Variants in KCNJ6 observed in about 807,000 individuals in gnomAD.
KCNJ6 encodes the protein potassium inwardly rectifying channel subfamily J member 6.
KCNJ6 carries 9 observed loss-of-function variants against 34.2 expected under a neutral mutation model. The observed-to-expected ratio is 0.26, with a 90% CI of 0.16 to 0.46. The LOEUF is 0.46. Ranked by LOEUF, KCNJ6 falls within the 20% of genes least tolerant of loss-of-function variation. KCNJ6 has a pLI of 1.00. For missense variants in KCNJ6, 236 were observed against 531.3 expected, an observed-to-expected ratio of 0.44 and a Z score of 5.46; for synonymous variants, 196 against 207.1, an observed-to-expected ratio of 0.95 and a Z score of 0.46.
At chr21:37,865,008 A>G (rs920875406) in intron 1 of KCNJ6, among the ~76,000 whole-genome samples, 11 of 152,010 alleles carry the variant, frequency 7.2e-5, no homozygotes, top group African/African-American at 2.7e-4. Context: ...CCTGGCCCAG[A>G]AAAAGATGTT....
chr21:37,796,265 T>G lies in KCNJ6; in HGVS notation c.25+44393A>C, dbSNP rs182172525. On this transcript the variant is annotated intron_variant, in intron 2 of 3. Transcript: ENST00000609713. ...TCAGCTGGATCAACAGCCTTCGCTC[T>G]GCCTGTTCTTAGGAGCTTGGTGTGT... Among the ~76,000 whole-genome samples the G allele has an allele frequency of 3.5e-4, 53 of 152,336 alleles. No individual in the cohort carries two copies. The East Asian group carries it at 9.7e-3, about 28-fold the overall frequency.
intron 2 of KCNJ6, among the ~76,000 whole-genome samples, chr21:37,767,290 C>T (rs533900044): frequency 2.6e-5 from 4 of 152,302 alleles, no homozygotes; most frequent in Non-Finnish European, 5.9e-5. Context: ...TTAAGCATGT[C>T]GTCATTTGTG....
At chr21:37,881,117 G>C (rs970729953) in intron 1 of KCNJ6, among the ~76,000 whole-genome samples, 2 of 152,086 alleles carry the variant, frequency 1.3e-5, no homozygotes, top group African/African-American at 4.8e-5. Flanking sequence ...TTTTTTTCAG[G>C]GGTTCACTAA....
intron 2 of KCNJ6, among the ~76,000 whole-genome samples, chr21:37,743,120 A>G (rs1197341683): frequency 6.6e-6 from 1 of 152,128 alleles, no homozygotes; most frequent in African/African-American, 2.4e-5. Flanking sequence ...CACTTAGCCC[A>G]CAGGATGACA....
intron 3 of KCNJ6, among the ~76,000 whole-genome samples, chr21:37,672,864 G>A (rs1235452841): frequency 5.3e-5 from 8 of 151,940 alleles, no homozygotes; most frequent in Admixed American, 5.2e-4. Context: ...CTGCAGCCTC[G>A]AACTCCTGGG....
intron 3 of KCNJ6, among the ~76,000 whole-genome samples, chr21:37,687,427 C>A (rs1229723646): frequency 6.6e-6 from 1 of 152,202 alleles, no homozygotes; most frequent in East Asian, 1.9e-4. Context: ...GCTTTTTCTT[C>A]ATGTCTCCGT....
chr21:37,761,838 G>A (rs3787829), intron 2 of KCNJ6, among the ~76,000 whole-genome samples: 75,427 of 151,920 alleles, frequency 0.5, 18,873 homozygotes, highest in Non-Finnish European at 0.53. Context: ...GTCTCTGTGC[G>A]TGTCTGTGTG....
chr21:37,914,330 G>A (rs2055882945), intron 1 of KCNJ6, among the ~76,000 whole-genome samples: 1 of 152,176 alleles, frequency 6.6e-6, no homozygotes, highest in African/African-American at 2.4e-5. Flanking sequence ...GGGGGCTGCA[G>A]ACAGGTGAGG....
At position 37,623,669 on chromosome 21, in the gene KCNJ6, A is replaced by G. The variant is rs1049808671; in HGVS notation, c.*1490T>C. 6.6e-6 allele frequency: 1 copy of G among 152,070 alleles called. No individual in the cohort carries two copies. The highest frequency in any genetic ancestry group is 2.4e-5 in the African/African-American group (1 of 41,384). 9.4% of individuals were successfully genotyped at this position (152,070 alleles called of 1,614,324 possible). A position where few individuals can be genotyped will look rare whatever the true frequency, so the allele number is the denominator to read the frequency against. ...TCCTTTTTGCAGATTAAAGTGAATT[A>G]AGGCTGGAATTTTTTTATTTGTTTT... On this transcript the variant is annotated 3_prime_UTR_variant, in exon 4 of 4. Transcript: ENST00000609713.
chr21:37,800,536 T>C (rs974374183), intron 2 of KCNJ6, among the ~76,000 whole-genome samples: 1 of 152,240 alleles, frequency 6.6e-6, no homozygotes, highest in Non-Finnish European at 1.5e-5. Flanking sequence ...CTGGGTGATT[T>C]TTCTGGCAAA....
At chr21:37,782,696 AC>A (rs147470202) in intron 2 of KCNJ6, among the ~76,000 whole-genome samples, 50 of 152,310 alleles carry the variant, frequency 3.3e-4, no homozygotes, top group African/African-American at 1.2e-3. Flanking sequence ...AAGAGGGTGG[AC>A]AAGTCAGGCT....
chr21:37,835,804 CACCCTA>C (rs11276074), intron 2 of KCNJ6, among the ~76,000 whole-genome samples: 49,817 of 151,390 alleles, frequency 0.33, 9,330 homozygotes, highest in South Asian at 0.45. Context: ...AGCTGAGAGT[CACCCTA>C]ACCCTAACCC....
chr21:37,829,320 T>A (rs2055414015), intron 2 of KCNJ6, among the ~76,000 whole-genome samples: 2 of 152,262 alleles, frequency 1.3e-5, no homozygotes, highest in South Asian at 4.1e-4. Context: ...CAAGAGAGTT[T>A]AAAAATGTGT....
chr21:37,781,021 A>G (rs1183923217), intron 2 of KCNJ6, among the ~76,000 whole-genome samples: 1 of 152,228 alleles, frequency 6.6e-6, no homozygotes, highest in Non-Finnish European at 1.5e-5. Context: ...CGTTAGGGGA[A>G]TGGAAAAGAC....
chr21:37,815,868 G>A (rs773422298), intron 2 of KCNJ6, among the ~76,000 whole-genome samples: 5 of 152,142 alleles, frequency 3.3e-5, no homozygotes, highest in East Asian at 1.9e-4. Flanking sequence ...GGTGTTCACC[G>A]AGGCCAGATG....
At chr21:37,903,311 C>T (rs1048633326) in intron 1 of KCNJ6, among the ~76,000 whole-genome samples, 5 of 152,124 alleles carry the variant, frequency 3.3e-5, no homozygotes, top group African/African-American at 1.2e-4. Flanking sequence ...AAGAGGCATT[C>T]CCCCGCACAA....
intron 2 of KCNJ6, among the ~76,000 whole-genome samples, chr21:37,780,780 A>G (rs953318157): frequency 2.0e-5 from 3 of 152,224 alleles, no homozygotes; most frequent in Admixed American, 1.3e-4. Context: ...TGGATACCCT[A>G]TTTTGCATGA....
chr21:37,912,605 G>A (rs551465105), intron 1 of KCNJ6, among the ~76,000 whole-genome samples: 6 of 152,152 alleles, frequency 3.9e-5, no homozygotes, highest in South Asian at 2.1e-4. Flanking sequence ...AATACTCCAC[G>A]TGTCACTTCT....
intron 1 of KCNJ6, among the ~76,000 whole-genome samples, chr21:37,857,355 A>C (rs2055570395): frequency 1.3e-5 from 2 of 152,210 alleles, no homozygotes; most frequent in African/African-American, 4.8e-5. Flanking sequence ...GGCATAGTCA[A>C]AGCATTACCA....
Sources: gnomAD v4.1 joint callset for allele counts (sites outside exome capture counted in the v4.1 genomes callset) on GRCh38, gnomAD v4.1.1 for gene constraint, MANE v1.5 for transcripts, NCBI Gene and HGNC (gene_info 2026-07-23, HGNC 2026-07-21) for gene names.